The following PDE8B variants were observed in gnomAD, a reference collection of about 807,000 sequenced individuals.
The protein encoded by PDE8B is high affinity cAMP-specific and IBMX-insensitive 3',5'-cyclic phosphodiesterase 8B.
In PDE8B, 26 loss-of-function variants were observed where a neutral mutation model predicts 101.3. That is an observed-to-expected ratio of 0.26 (90% CI 0.19 to 0.36). The LOEUF is 0.36. PDE8B is among the 10% of genes least tolerant of loss of function. The pLI, the probability that PDE8B is intolerant of heterozygous loss-of-function variation, is 1.00. For synonymous variants in PDE8B, 424 were observed against 429.3 expected (o/e 0.99, Z 0.15); for missense variants, 810 against 1,163.1 (o/e 0.70, Z 4.42).
intron 5 of PDE8B, among the ~76,000 whole-genome samples, chr5:77,332,982 A>AG (rs1777439238): frequency 8.4e-6 from 1 of 118,528 alleles, no homozygotes; most frequent in African/African-American, 3.4e-5. Flanking sequence ...CCTGGCTTAA[A>AG]AATATATATA....
intron 10 of PDE8B, among the ~76,000 whole-genome samples, chr5:77,354,396 T>C (rs1043984818): frequency 6.6e-6 from 1 of 152,208 alleles, no homozygotes; most frequent in Non-Finnish European, 1.5e-5. Flanking sequence ...ATCAGGATGT[T>C]TTCACATAAT....
intron 2 of PDE8B, among the ~76,000 whole-genome samples, chr5:77,315,528 G>A (rs957036438): frequency 6.6e-6 from 1 of 152,172 alleles, no homozygotes; most frequent in Non-Finnish European, 1.5e-5. Flanking sequence ...TCCACAAAAA[G>A]TGATAAAAAG....
chr5:77,311,348 C>A (rs1772568003), intron 1 of PDE8B, among the ~76,000 whole-genome samples: 1 of 152,218 alleles, frequency 6.6e-6, no homozygotes, highest in South Asian at 2.1e-4. Flanking sequence ...CCTATGCTCA[C>A]TCCTGGAGTT....
intron 11 of PDE8B, among the ~76,000 whole-genome samples, chr5:77,401,052 T>G (rs1219718587): frequency 6.6e-6 from 1 of 152,210 alleles, no homozygotes; most frequent in African/African-American, 2.4e-5. Flanking sequence ...AAAGATGTCA[T>G]TTGCTCTTTC....
chr5:77,086,785 CTG>C, the PDE8B span: 2 of 152,256 alleles, frequency 1.3e-5, no homozygotes, highest in Non-Finnish European at 2.9e-5. Flanking sequence ...AGTGAAAAGA[CTG>C]TAATCAGACA....
chr5:77,210,859 G>A lies in PDE8B; in HGVS notation c.-67G>A. ...CGCGGCCGCCCCCTCACTGCAGGTG[G>A]CAGCGGGTGCGCTGGGTCCCGGCGG... On this transcript the variant is annotated 5_prime_UTR_variant, in exon 1 of 22. Transcript: ENST00000264917. The surrounding 1 kb of genome is among the most constrained non-coding windows in gnomAD (Gnocchi z 4.9). 2 of 1,155,852 alleles carry A rather than the reference G, an allele frequency of 1.7e-6. No individual in the cohort carries two copies. Among genetic ancestry groups the A allele is most frequent in the Non-Finnish European group, 1.1e-6 (1 of 942,692 alleles). 71.6% of individuals were successfully genotyped at this position (1,155,852 alleles called of 1,614,324 possible). A position where few individuals can be genotyped will look rare whatever the true frequency, so the allele number is the denominator to read the frequency against.
At position 77,358,665 on chromosome 5, in the gene PDE8B, A is replaced by G. The variant is rs80049524; in HGVS notation, c.1167+5259A>G. ...GAGTTGATCTATATGTAGCCAATAT[A>G]TGTCTCACATGGTGTTACAAAGAAT... On this transcript the variant is annotated intron_variant, in intron 10 of 21. Transcript: ENST00000264917. 7.9e-3 allele frequency among the ~76,000 whole-genome samples: 1,203 copies of G among 152,350 alleles called. 13 individuals carry two copies. The highest frequency in any genetic ancestry group is 0.026 in the African/African-American group (1,078 of 41,578).
At chr5:77,293,539 T>A (rs1410802704) in intron 1 of PDE8B, among the ~76,000 whole-genome samples, 1 of 152,224 alleles carries the variant, frequency 6.6e-6, no homozygotes, top group African/African-American at 2.4e-5. Flanking sequence ...TGCGATATGA[T>A]GTGTTAAGGC....
chr5:77,419,283 T>A (rs935404874), intron 18 of PDE8B, among the ~76,000 whole-genome samples: 1 of 152,202 alleles, frequency 6.6e-6, no homozygotes, highest in Non-Finnish European at 1.5e-5. Flanking sequence ...TTCATTACAA[T>A]TTCTATCTGC....
intron 5 of PDE8B, among the ~76,000 whole-genome samples, chr5:77,336,841 C>T (rs572783179): frequency 6.6e-6 from 1 of 152,330 alleles, no homozygotes; most frequent in South Asian, 2.1e-4. Context: ...TAGGCTCTCC[C>T]TTCCAAAGAG....
the PDE8B span, among the ~76,000 whole-genome samples, chr5:77,133,884 A>G: frequency 6.6e-6 from 1 of 152,220 alleles, no homozygotes; most frequent in African/African-American, 2.4e-5. Flanking sequence ...TGCATCTCCA[A>G]TATAGTTGGC....
the PDE8B span, among the ~76,000 whole-genome samples, chr5:77,167,151 C>T: frequency 2.0e-5 from 3 of 152,330 alleles, no homozygotes; most frequent in African/African-American, 7.2e-5. Flanking sequence ...TGTGACATGG[C>T]TCTAAGTGCC....
At chr5:77,226,244 C>G (rs945072975) in intron 1 of PDE8B, among the ~76,000 whole-genome samples, 29 of 152,168 alleles carry the variant, frequency 1.9e-4, no homozygotes, top group African/African-American at 6.5e-4. Context: ...CTCTTACATT[C>G]TATGCCCTCT....
chr5:77,284,267 T>C (rs1156950607), intron 1 of PDE8B, among the ~76,000 whole-genome samples: 2 of 152,262 alleles, frequency 1.3e-5, no homozygotes, highest in Non-Finnish European at 2.9e-5. Flanking sequence ...TCTTCCTGTC[T>C]GTGATGTCTT....
intron 1 of PDE8B, among the ~76,000 whole-genome samples, chr5:77,238,025 C>A (rs747110370): frequency 3.9e-5 from 6 of 152,006 alleles, no homozygotes; most frequent in African/African-American, 7.2e-5. Flanking sequence ...AAGAATTTTT[C>A]ATTATCTTTA....
At chr5:77,329,919 T>C (rs981831909) in intron 4 of PDE8B, among the ~76,000 whole-genome samples, 11 of 152,178 alleles carry the variant, frequency 7.2e-5, no homozygotes, top group African/African-American at 2.7e-4. Flanking sequence ...CAGGAAATCA[T>C]GGCTGCAAAG....
chr5:77,327,956 A>C (rs1289395465), intron 3 of PDE8B, among the ~76,000 whole-genome samples: 1 of 152,206 alleles, frequency 6.6e-6, no homozygotes, highest in Non-Finnish European at 1.5e-5. Context: ...GGAGTTGAAG[A>C]GGATGAAGCA....
rs143110402 is a variant in PDE8B at position 77,367,640 on chromosome 5, C to T, written c.1167+14234C>T. Among the ~76,000 whole-genome samples, 496 of 151,598 alleles carry T rather than the reference C, an allele frequency of 3.3e-3. 5 individuals are homozygous for T. The highest frequency in any genetic ancestry group is 0.011 in the African/African-American group (466 of 41,274). ...CCGACTCCCGGGTTCAAGCGATTCT[C>T]CTGCCTCAGCCTCCCAAGTAGCTGG... On this transcript the variant is annotated intron_variant, in intron 10 of 21. Transcript: ENST00000264917.
intron 1 of PDE8B, among the ~76,000 whole-genome samples, chr5:77,225,020 C>A (rs767063743): frequency 1.8e-4 from 27 of 152,118 alleles, no homozygotes; most frequent in Non-Finnish European, 4.0e-4. Flanking sequence ...CATCAGGAGG[C>A]ACATGATGTC....
Sources: allele counts gnomAD v4.1 joint callset (sites outside exome capture counted in the v4.1 genomes callset), GRCh38; gene constraint gnomAD v4.1.1; non-coding constraint Gnocchi (gnomAD v3.1); transcripts MANE v1.5; gene names NCBI Gene and HGNC (gene_info 2026-07-23, HGNC 2026-07-21).